The following SNX29 variants were observed in gnomAD, a reference collection of about 807,000 sequenced individuals.
The protein encoded by SNX29 is sorting nexin 29, also known as sorting nexin-29.
In SNX29, 78 loss-of-function variants were observed where a neutral mutation model predicts 102.1. The observed-to-expected ratio is 0.76, with a 90% confidence interval of 0.64 to 0.92. The LOEUF (loss-of-function observed/expected upper bound fraction) is 0.92. Ranked by LOEUF, SNX29 falls within the 40% of genes least tolerant of loss-of-function variation. The probability of loss-of-function intolerance (pLI) is 0.00; values close to 1 mark genes in which losing one functional copy is unlikely to be tolerated. For synonymous variants in SNX29, 580 were observed against 414.5 expected, an observed-to-expected ratio of 1.40 and a Z score of -4.85; for missense variants, 1,280 against 1,061.7, an observed-to-expected ratio of 1.21 and a Z score of -2.86.
At chr16:12,034,271 A>G (rs1476599685) in intron 4 of SNX29, among the ~76,000 whole-genome samples, 1 of 152,124 alleles carries the variant, frequency 6.6e-6, no homozygotes, top group African/African-American at 2.4e-5. Context: ...CATCCTTTTG[A>G]TGGTGAGGGG....
At chr16:12,255,440 ATTC>A (rs2078543743) in intron 14 of SNX29, among the ~76,000 whole-genome samples, 2 of 152,192 alleles carry the variant, frequency 1.3e-5, no homozygotes, top group East Asian at 3.9e-4. Flanking sequence ...ACAGTCCAGT[ATTC>A]TTAACTACAG....
Position 12,549,316 on chromosome 16 carries a change from A to C in SNX29, c.2319-19190A>C, listed in dbSNP as rs535977185. 5.3e-5 allele frequency among the ~76,000 whole-genome samples: 8 copies of C among 152,272 alleles called. No individual in the cohort carries two copies. The South Asian group carries it at 6.2e-4, about 12-fold the overall frequency. ...TGGAAACCAGCCTGGTCAATATGACAAAACCCCATGTCTACCAAAAATACA... is the reference window on the plus strand; with the variant it reads ...TGGAAACCAGCCTGGTCAATATGACCAAACCCCATGTCTACCAAAAATACA... On this transcript the variant is annotated intron_variant, in intron 20 of 20. Coordinates refer to ENST00000566228, the MANE Select transcript of SNX29 (RefSeq NM_032167.5).
chr16:12,135,617 G>C (rs1037697638), intron 13 of SNX29: 3 of 1,345,458 alleles, frequency 2.2e-6, no homozygotes, highest in Non-Finnish European at 2.9e-6. Context: ...GAAATGGAGG[G>C]AGAGAGAAAT....
intron 7 of SNX29, 69 bp from the exon 8 acceptor site, chr16:12,051,778 G>T: frequency 6.4e-7 from 1 of 1,571,082 alleles, no homozygotes; most frequent in Non-Finnish European, 8.6e-7. Flanking sequence ...CTGGAGGTGA[G>T]TTGGTTCCAT....
chr16:12,570,733 A>G lies in SNX29; in HGVS notation c.*2104A>G, dbSNP rs752511251. 4 of 232,344 alleles carry G rather than the reference A, an allele frequency of 1.7e-5. No individual in the cohort carries two copies. The highest frequency in any genetic ancestry group is 3.4e-5 in the Non-Finnish European group (4 of 117,604). The allele number at this position is 232,344 out of a possible 1,614,324, so 14.4% of individuals were successfully genotyped here. A position where few individuals can be genotyped will look rare whatever the true frequency, so the allele number is the denominator to read the frequency against. ...AGGATGTGAATTGGTCTCTCTCCAG[A>G]TACCCCACGAGGAAGCACCTTGGAC... On this transcript the variant is annotated 3_prime_UTR_variant, in exon 21 of 21. Transcript: ENST00000566228.
At chr16:12,242,239 C>T (rs1046674494) in intron 14 of SNX29, among the ~76,000 whole-genome samples, 2 of 151,752 alleles carry the variant, frequency 1.3e-5, no homozygotes, top group African/African-American at 4.8e-5. Flanking sequence ...TTGAACCCAA[C>T]TTGTTTGACT....
Position 12,048,524 on chromosome 16 carries a change from T to A in SNX29, c.652T>A (p.Phe218Ile). The change falls in exon 7 of 21, where the codon TTC becomes ATC. Residue 218 changes from phenylalanine to isoleucine, a missense_variant. Transcript: ENST00000566228. ...GTCCACGCAAGGAGTGAGCAGCCTG[T>A]TCAGGGAGATCACAGCCTCCTCTGC... is the stretch of plus-strand genomic sequence containing the variant. ...KESTQGVSSL[F>I]REITASSAVS... The A allele has an allele frequency of 6.2e-7, 1 of 1,613,890 alleles. No individual in the cohort carries two copies. The highest frequency in any genetic ancestry group is 8.5e-7 in the Non-Finnish European group (1 of 1,179,844).
chr16:11,998,335 C>G (rs1197290215), intron 1 of SNX29, among the ~76,000 whole-genome samples: 1 of 152,106 alleles, frequency 6.6e-6, no homozygotes, highest in East Asian at 1.9e-4. Flanking sequence ...TGTGGCTCTA[C>G]CAACTGTCTG....
chr16:12,085,954 T>G (rs2052152456), intron 11 of SNX29, among the ~76,000 whole-genome samples: 1 of 151,732 alleles, frequency 6.6e-6, no homozygotes, highest in Non-Finnish European at 1.5e-5. Flanking sequence ...TAGTAAGTGG[T>G]GAATCTGTGA....
chr16:12,413,101 T>C (rs542700557), intron 18 of SNX29, among the ~76,000 whole-genome samples: 1 of 152,352 alleles, frequency 6.6e-6, no homozygotes, highest in East Asian at 1.9e-4. Context: ...TTCTGTTCTG[T>C]GGCCACAGTT....
Position 12,277,973 on chromosome 16 carries a change from T to G in SNX29, c.1719T>G (p.Ala573=). 1 of 1,609,798 alleles carries G rather than the reference T, an allele frequency of 6.2e-7. No homozygotes were observed. The highest frequency in any genetic ancestry group is 1.3e-5 in the African/African-American group (1 of 74,998). The change falls in exon 15 of 21, where the codon GCT becomes GCG. Residue 573 remains alanine, a synonymous_variant. Coordinates refer to ENST00000566228, the MANE Select transcript of SNX29 (RefSeq NM_032167.5). ...LWSVDGEVTV[A]EQKPGEIAEE... is the part of the protein sequence containing the mutation. ...GTGTTGATGGAGAAGTTACAGTAGCTGAACAGAAGCCGGGAGAAATTGCTG... is the reference window on the plus strand; with the variant it reads ...GTGTTGATGGAGAAGTTACAGTAGCGGAACAGAAGCCGGGAGAAATTGCTG...
intron 18 of SNX29, among the ~76,000 whole-genome samples, chr16:12,468,782 G>C (rs2087198008): frequency 6.6e-6 from 1 of 152,174 alleles, no homozygotes; most frequent in Non-Finnish European, 1.5e-5. Flanking sequence ...AGCGGGGTTT[G>C]GGAAAATTGA....
intron 13 of SNX29, among the ~76,000 whole-genome samples, chr16:12,137,039 CTAGGAAAGACTTTT>C (rs1426066740): frequency 1.3e-5 from 2 of 152,178 alleles, no homozygotes; most frequent in Non-Finnish European, 2.9e-5. Flanking sequence ...GGTGCCCAGC[CTAGGAAAGACTTTT>C]TAGCGGGCAT....
At chr16:12,445,174 T>G (rs2085993336) in intron 18 of SNX29, among the ~76,000 whole-genome samples, 1 of 151,718 alleles carries the variant, frequency 6.6e-6, no homozygotes, top group Non-Finnish European at 1.5e-5. Context: ...TGTTTTTGAA[T>G]AAAGTTTTAT....
At chr16:12,484,459 C>G (rs971648182) in intron 19 of SNX29, among the ~76,000 whole-genome samples, 2 of 152,304 alleles carry the variant, frequency 1.3e-5, no homozygotes, top group Admixed American at 1.3e-4. Context: ...CTGATTGTGT[C>G]AGCTGTAGAT....
At chr16:12,549,248 C>A (rs1279971006) in intron 20 of SNX29, among the ~76,000 whole-genome samples, 1 of 152,196 alleles carries the variant, frequency 6.6e-6, no homozygotes, top group Non-Finnish European at 1.5e-5. Flanking sequence ...GTAATCCCAG[C>A]ACTTTGGGAG....
At chr16:12,507,157 T>A (rs189247520) in intron 19 of SNX29, among the ~76,000 whole-genome samples, 13 of 152,342 alleles carry the variant, frequency 8.5e-5, no homozygotes, top group Admixed American at 8.5e-4. Flanking sequence ...CGAAATGCTT[T>A]CTGAGGCTGT....
At chr16:12,023,814 G>A (rs2057104166) in intron 3 of SNX29, among the ~76,000 whole-genome samples, 3 of 152,166 alleles carry the variant, frequency 2.0e-5, no homozygotes. Flanking sequence ...TGCTTGGACA[G>A]GTGTGCTCTA....
At chr16:12,060,633 C>T (rs1230923332) in intron 8 of SNX29, among the ~76,000 whole-genome samples, 3 of 152,146 alleles carry the variant, frequency 2.0e-5, no homozygotes, top group African/African-American at 7.2e-5. Flanking sequence ...TGAGCATCCT[C>T]AGATTTGCAG....
Sources: gnomAD v4.1 joint callset for allele counts (sites outside exome capture counted in the v4.1 genomes callset) on GRCh38, gnomAD v4.1.1 for gene constraint, MANE v1.5 for transcripts, NCBI Gene and HGNC (gene_info 2026-07-23, HGNC 2026-07-21) for gene names.